Variants in SDCCAG8 observed in about 807,000 individuals in gnomAD.
SDCCAG8 encodes serologically defined colon cancer antigen 8.
SDCCAG8 carries 74 observed loss-of-function variants against 101.8 expected under a neutral mutation model. The ratio of observed to expected loss-of-function variants is 0.73; its 90% confidence interval spans 0.60 to 0.88. The LOEUF is 0.88. SDCCAG8 is among the 40% of genes least tolerant of loss of function. The pLI is 0.00. For missense variants in SDCCAG8, 787 were observed against 822.6 expected, an observed-to-expected ratio of 0.96 and a Z score of 0.53; for synonymous variants, 281 against 292.9, an observed-to-expected ratio of 0.96 and a Z score of 0.41.
At position 243,296,960 on chromosome 1, in the gene SDCCAG8, A is replaced by G. The variant is rs547085326; in HGVS notation, c.675+3741A>G. ...CCTCCTCCTTTATATTTTCTAAGAC[A>G]CAATTTAACATAACATTCAGTAAAG... On this transcript the variant is annotated intron_variant, in intron 6 of 17. Coordinates refer to ENST00000366541, the MANE Select transcript of SDCCAG8 (RefSeq NM_006642.5). Among the ~76,000 whole-genome samples, 200 of 152,166 alleles carry G rather than the reference A, an allele frequency of 1.3e-3. 1 individual carries two copies. The highest frequency in any genetic ancestry group is 4.7e-3 in the African/African-American group (196 of 41,512).
chr1:243,299,140 A>T (rs2071247349), intron 6 of SDCCAG8, among the ~76,000 whole-genome samples: 1 of 152,168 alleles, frequency 6.6e-6, no homozygotes, highest in African/African-American at 2.4e-5. Flanking sequence ...CATTAGAATT[A>T]TTCCTGACTT....
intron 13 of SDCCAG8, among the ~76,000 whole-genome samples, chr1:243,393,384 C>T (rs1489087412): frequency 1.3e-5 from 2 of 151,922 alleles, no homozygotes; most frequent in African/African-American, 4.8e-5. Flanking sequence ...GAAGACTGAC[C>T]ACAGAGAGGG....
chr1:243,298,042 G>A (rs1019232093), intron 6 of SDCCAG8, among the ~76,000 whole-genome samples: 11 of 144,278 alleles, frequency 7.6e-5, no homozygotes, highest in African/African-American at 2.8e-4. Context: ...AGAAATTATA[G>A]TTTCACTTTT....
intron 8 of SDCCAG8, among the ~76,000 whole-genome samples, chr1:243,315,720 A>G (rs1166401083): frequency 6.6e-6 from 1 of 152,196 alleles, no homozygotes; most frequent in Non-Finnish European, 1.5e-5. Context: ...ACTCTTTAAA[A>G]CTTGCTAATT....
intron 12 of SDCCAG8, among the ~76,000 whole-genome samples, chr1:243,347,614 A>G (rs2075796977): frequency 6.6e-6 from 1 of 152,224 alleles, no homozygotes; most frequent in African/African-American, 2.4e-5. Flanking sequence ...ACAGCAAAGT[A>G]TGTGAAGGAA....
Position 243,372,969 on chromosome 1 carries a change from A to AAT in SDCCAG8, c.1474-5742_1474-5741dup, listed in dbSNP as rs201117010. Reference sequence around the variant, plus strand: ...CTATATCTATCTATATATATATCTTAATATATATATAAGATAAGATAAAAT... The same window carrying AAT: ...CTATATCTATCTATATATATATCTTAATATATATATATAAGATAAGATAAAAT... On this transcript the variant is annotated intron_variant, in intron 12 of 17. Coordinates refer to ENST00000366541, the MANE Select transcript of SDCCAG8 (RefSeq NM_006642.5). 1.8e-3 allele frequency among the ~76,000 whole-genome samples: 253 copies of AAT among 144,120 alleles called. 2 individuals are homozygous for AAT. The East Asian group carries it at 0.034, about 19-fold the overall frequency. The allele number at this position is 144,120 out of a possible 152,430, so 94.5% of individuals were successfully genotyped here. A position where few individuals can be genotyped will look rare whatever the true frequency, so the allele number is the denominator to read the frequency against.
chr1:243,308,918 C>T (rs1357772801), intron 8 of SDCCAG8, among the ~76,000 whole-genome samples: 1 of 152,212 alleles, frequency 6.6e-6, no homozygotes, highest in Non-Finnish European at 1.5e-5. Flanking sequence ...TCACCTCTCT[C>T]TATCTGCTGT....
chr1:243,451,653 G>T (rs73120326), intron 16 of SDCCAG8, among the ~76,000 whole-genome samples: 9 of 152,058 alleles, frequency 5.9e-5, no homozygotes, highest in Non-Finnish European at 2.9e-5. Flanking sequence ...AGCCAGGCCC[G>T]ATGGCTCATG....
intron 12 of SDCCAG8, among the ~76,000 whole-genome samples, chr1:243,351,637 G>T (rs917238087): frequency 6.6e-6 from 1 of 152,184 alleles, no homozygotes; most frequent in South Asian, 2.1e-4. Flanking sequence ...GCCTAACCAA[G>T]AATTCTGAGA....
rs967536527 is a variant in SDCCAG8, at chr1:243,356,421, G to GGC, written c.1473+12091_1473+12092insCG. 1.0e-3 allele frequency among the ~76,000 whole-genome samples: 5 copies of GGC among 4,922 alleles called. No individual in the cohort carries two copies. In the East Asian group the frequency reaches 0.5, roughly 492 times the overall value. 3.2% of individuals were successfully genotyped at this position (4,922 alleles called of 152,430 possible). On this transcript the variant is annotated intron_variant, in intron 12 of 17. Transcript: ENST00000366541. ...AAGAAGAGAAAAGAAAAGTAGTGGC[G>GGC]GGGGGGTGGTGGGGGAAGTGGGAAG...
At chr1:243,296,118 C>A (rs2070851952) in intron 6 of SDCCAG8, among the ~76,000 whole-genome samples, 1 of 152,102 alleles carries the variant, frequency 6.6e-6, no homozygotes, top group African/African-American at 2.4e-5. Flanking sequence ...GCCTCAGCCA[C>A]CCAAGTAGCT....
chr1:243,265,324 T>G, intron 1 of SDCCAG8, among the ~76,000 whole-genome samples: 1 of 152,246 alleles, frequency 6.6e-6, no homozygotes, highest in East Asian at 1.9e-4. Context: ...CTAGTAACTC[T>G]GAAATCAGTA....
In SDCCAG8 at chr1:243,446,092, T is replaced by A. The variant is rs1346792233; in HGVS notation, c.1985+19534T>A. Among the ~76,000 whole-genome samples, 3 of 152,088 alleles carry A rather than the reference T, an allele frequency of 2.0e-5. No individual in the cohort carries two copies. In the East Asian group the frequency reaches 5.8e-4, roughly 29 times the overall value. Reference sequence around the variant, plus strand: ...GTGTGCCGTGGACATCATTCATGTGTTTGACAGAGGGAAAAGGAAAGGGTT... The same window carrying A: ...GTGTGCCGTGGACATCATTCATGTGATTGACAGAGGGAAAAGGAAAGGGTT... On this transcript the variant is annotated intron_variant, in intron 16 of 17. Coordinates refer to ENST00000366541, the MANE Select transcript of SDCCAG8 (RefSeq NM_006642.5).
chr1:243,316,618 GGT>G, intron 8 of SDCCAG8, 135 bp from the exon 9 acceptor site: 1 of 1,000,848 alleles, frequency 1.0e-6, no homozygotes, highest in South Asian at 1.4e-5. Context: ...CTTTCTCTGG[GGT>G]GTGCTTTATT....
chr1:243,387,484 A>G (rs1040312393), intron 13 of SDCCAG8, among the ~76,000 whole-genome samples: 4 of 152,212 alleles, frequency 2.6e-5, no homozygotes, highest in Non-Finnish European at 5.9e-5. Flanking sequence ...AGTCCACCAA[A>G]CAGGTATTAT....
At chr1:243,499,419 T>C (rs1341223563) in intron 17 of SDCCAG8, among the ~76,000 whole-genome samples, 1 of 152,256 alleles carries the variant, frequency 6.6e-6, no homozygotes, top group Non-Finnish European at 1.5e-5. Context: ...AAACAGATTA[T>C]GGCACAAATC....
At chr1:243,256,336 C>T in intron 1 of SDCCAG8, 96 bp downstream of exon 1, 1 of 929,270 alleles carries the variant, frequency 1.1e-6, no homozygotes. Context: ...TGGGTTCTGC[C>T]CCGTCCACGC....
chr1:243,413,279 C>G (rs975981042), intron 13 of SDCCAG8, among the ~76,000 whole-genome samples: 4 of 152,204 alleles, frequency 2.6e-5, no homozygotes, highest in South Asian at 2.1e-4. Context: ...AATCTCTGCT[C>G]GCTGCATCCT....
chr1:243,258,552 G>A (rs2066941009), intron 1 of SDCCAG8, among the ~76,000 whole-genome samples: 1 of 152,036 alleles, frequency 6.6e-6, no homozygotes, highest in Non-Finnish European at 1.5e-5. Flanking sequence ...TTACAGGCAC[G>A]CGCCACCATG....
Sources: gnomAD v4.1 joint callset for allele counts (sites outside exome capture counted in the v4.1 genomes callset) on GRCh38, gnomAD v4.1.1 for gene constraint, MANE v1.5 for transcripts, NCBI Gene and HGNC (gene_info 2026-07-23, HGNC 2026-07-21) for gene names.